NTRK1: variants seen among roughly 807,000 people sequenced by gnomAD.
NTRK1 encodes neurotrophic receptor tyrosine kinase 1.
In NTRK1, 62 loss-of-function variants were observed where a neutral mutation model predicts 86.8. The ratio of observed to expected loss-of-function variants is 0.71; its 90% CI spans 0.58 to 0.88. The LOEUF (loss-of-function observed/expected upper bound fraction) is 0.88, where lower values mean the gene tolerates loss of function less well. NTRK1 is among the 40% of genes least tolerant of loss of function. NTRK1 has a pLI of 0.00. For missense variants in NTRK1, 967 were observed against 1,078.4 expected, an observed-to-expected ratio of 0.90 and a Z score of 1.45; for synonymous variants, 469 against 456.6, an observed-to-expected ratio of 1.03 and a Z score of -0.35.
chr1:156,845,446 G>T (rs775956532), intron 2 of NTRK1: 21 of 1,528,706 alleles, frequency 1.4e-5, no homozygotes, highest in Admixed American at 6.4e-5. Flanking sequence ...TATCAGGCCT[G>T]TCCGGATGCA....
chr1:156,827,354 C>T (rs1381396192), intron 1 of NTRK1, among the ~76,000 whole-genome samples: 1 of 152,046 alleles, frequency 6.6e-6, no homozygotes, highest in African/African-American at 2.4e-5. Flanking sequence ...CTCCACCTCC[C>T]AGGTTCTAAG....
chr1:156,867,071 G>C, intron 4 of NTRK1, 93 bp downstream of exon 4: 1 of 1,272,760 alleles, frequency 7.9e-7, no homozygotes, highest in South Asian at 1.2e-5. Flanking sequence ...CACTGTGTCT[G>C]TGTGACACTG....
chr1:156,845,482 C>T, intron 2 of NTRK1: 1 of 1,512,356 alleles, frequency 6.6e-7, no homozygotes, highest in African/African-American at 1.4e-5. Flanking sequence ...CAGCGCGTAC[C>T]GCCTCCAAAA....
At position 156,873,763 on chromosome 1, in the gene NTRK1, C is replaced by G. The variant is rs1647710782; in HGVS notation, c.981C>G (p.Phe327Leu). The G allele has an allele frequency of 6.2e-7, 1 of 1,613,202 alleles. No homozygotes were observed. The change falls in exon 8 of 17, where the codon TTC becomes TTG. Residue 327 changes from phenylalanine (F) to leucine (L), a missense_variant. Physicochemically the swap from Phe to Leu is conservative, Grantham distance 22. Coordinates refer to ENST00000524377, the MANE Select transcript of NTRK1 (RefSeq NM_002529.4). ...FNGSVLNETS[F>L]IFTEFLEPAA... Reference sequence around the variant, plus strand: ...GCTCCGTGCTCAATGAGACCAGCTTCATCTTCACTGAGTTCCTGGAGCCGG... The same window carrying G: ...GCTCCGTGCTCAATGAGACCAGCTTGATCTTCACTGAGTTCCTGGAGCCGG...
chr1:156,843,347 G>T, intron 2 of NTRK1: 1 of 1,574,682 alleles, frequency 6.4e-7, no homozygotes, highest in South Asian at 1.1e-5. Context: ...TCTTCTGCAA[G>T]AAGGTCTTCT....
At chr1:156,848,510 C>T (rs1655088020) in intron 2 of NTRK1, among the ~76,000 whole-genome samples, 1 of 152,216 alleles carries the variant, frequency 6.6e-6, no homozygotes, top group Admixed American at 6.5e-5. Context: ...GCCCCTGCTC[C>T]CTCCCTTCCT....
intron 2 of NTRK1, chr1:156,844,148 G>C (rs112863279): frequency 6.6e-7 from 1 of 1,526,588 alleles, no homozygotes; most frequent in Non-Finnish European, 9.1e-7. Context: ...AGAAAAGGGG[G>C]TGGGGACCGG....
At chr1:156,853,330 C>T (rs1655293979) in intron 2 of NTRK1, among the ~76,000 whole-genome samples, 1 of 152,170 alleles carries the variant, frequency 6.6e-6, no homozygotes, top group African/African-American at 2.4e-5. Flanking sequence ...CCTCATGACA[C>T]CCAATGATCA....
In NTRK1 at chr1:156,854,379, G is replaced by C. The variant is rs191669600; in HGVS notation, c.51-9975G>C. On this transcript the variant is annotated intron_variant, in intron 2 of 16. Transcript: ENST00000392302. This position sits in a 1 kb window ranked among gnomAD's most constrained non-coding sequence, Gnocchi z 4.2. ...CCATCCAGCCCTGGCAGCTTTGGAGGGGAGCCACACTGGCAGTAGGACAAT... is the reference window on the plus strand; with the variant it reads ...CCATCCAGCCCTGGCAGCTTTGGAGCGGAGCCACACTGGCAGTAGGACAAT... 2.3e-4 allele frequency: 317 copies of C among 1,408,420 alleles called. 2 individuals are homozygous for C. In the Middle Eastern group the frequency reaches 2.5e-3, roughly 11 times the overall value. The allele number at this position is 1,408,420 out of a possible 1,614,324, so 87.2% of individuals were successfully genotyped here.
chr1:156,842,137 G>C, exon 2 of NTRK1: 1 of 1,613,948 alleles, frequency 6.2e-7, no homozygotes, highest in Non-Finnish European at 8.5e-7. Context: ...TGAAGTCCTG[G>C]GACACCATGC....
At chr1:156,821,036 T>A (rs1467458128) in intron 1 of NTRK1, among the ~76,000 whole-genome samples, 1 of 152,244 alleles carries the variant, frequency 6.6e-6, no homozygotes, top group Non-Finnish European at 1.5e-5. Flanking sequence ...GGTAGAGATC[T>A]TTAACCTTCT....
intron 2 of NTRK1, chr1:156,843,371 T>C: frequency 6.3e-7 from 1 of 1,593,542 alleles, no homozygotes; most frequent in Non-Finnish European, 8.6e-7. Flanking sequence ...AGTCTGTCTC[T>C]GCTCCTCTCC....
At chr1:156,858,681 G>A (rs1393021533), upstream of NTRK1, 5 of 1,423,946 alleles carry the variant, frequency 3.5e-6, no homozygotes, top group East Asian at 4.6e-5. Flanking sequence ...TGGGGAGAAC[G>A]GTGTGATAAG....
chr1:156,853,835 C>T, intron 2 of NTRK1: 3 of 1,613,878 alleles, frequency 1.9e-6, no homozygotes, highest in South Asian at 2.2e-5. Flanking sequence ...ACCAGCAGCA[C>T]CCAGCACACC....
chr1:156,867,047 G>A (rs1306644561), intron 4 of NTRK1, 69 bp downstream of exon 4: 4 of 1,488,040 alleles, frequency 2.7e-6, no homozygotes, highest in African/African-American at 1.4e-5. Context: ...TGGGTCTGTT[G>A]GATGACATTG....
At chr1:156,823,475 C>CT (rs1011590925) in intron 1 of NTRK1, among the ~76,000 whole-genome samples, 28 of 152,250 alleles carry the variant, frequency 1.8e-4, no homozygotes, top group Admixed American at 1.5e-3. Context: ...AAATGGGTTC[C>CT]TTGGTCTGAG....
Position 156,854,441 on chromosome 1 carries a change from GCCT to G in NTRK1, c.51-9909_51-9907del. ...CGGGCTCTGCTCTGGGTGTGGGGTG[GCCT>G]CCTTCCTGGGCCCCGGAGGGCTCAC... On this transcript the variant is annotated intron_variant, in intron 2 of 16. Coordinates refer to the NTRK1 transcript ENST00000392302. The surrounding 1 kb of genome is among the most constrained non-coding windows in gnomAD (Gnocchi z 4.2). 1 of 950,238 alleles carries G rather than the reference GCCT, an allele frequency of 1.1e-6. No individual in the cohort carries two copies. Among genetic ancestry groups the G allele is most frequent in the Non-Finnish European group, 1.5e-6 (1 of 654,086 alleles). The allele number at this position is 950,238 out of a possible 1,614,324, so 58.9% of individuals were successfully genotyped here. A position where few individuals can be genotyped will look rare whatever the true frequency, so the allele number is the denominator to read the frequency against.
intron 1 of NTRK1, chr1:156,816,624 A>T (rs572393099): frequency 6.3e-7 from 1 of 1,575,428 alleles, no homozygotes; most frequent in Admixed American, 1.7e-5. Context: ...GGGCAGGGGG[A>T]TGGGGGTCTT....
chr1:156,845,690 C>A (rs1392282369), intron 2 of NTRK1: 1 of 1,611,926 alleles, frequency 6.2e-7, no homozygotes. Flanking sequence ...GCGCCTCCAG[C>A]GGGGGCAGAA....
Sources: allele counts gnomAD v4.1 joint callset (sites outside exome capture counted in the v4.1 genomes callset), GRCh38; gene constraint gnomAD v4.1.1; non-coding constraint Gnocchi (gnomAD v3.1); transcripts MANE v1.5; gene names NCBI Gene and HGNC (gene_info 2026-07-23, HGNC 2026-07-21).